The following SIPA1L1 variants were observed in gnomAD, a reference collection of about 807,000 sequenced individuals.
SIPA1L1 encodes the protein signal-induced proliferation-associated 1-like protein 1.
In SIPA1L1, 26 loss-of-function variants were observed where a neutral mutation model predicts 162.7. That is an observed-to-expected ratio of 0.16 (90% CI 0.12 to 0.22). The LOEUF is 0.22. Among genes scored for constraint, SIPA1L1 ranks in the 10% least tolerant of loss-of-function variants. SIPA1L1 has a pLI of 1.00. For missense variants in SIPA1L1, 1,874 were observed against 2,241.0 expected (o/e 0.84, Z 3.31); for synonymous variants, 829 against 837.4 (o/e 0.99, Z 0.17).
At chr14:71,491,770 A>G (rs1005631948) in intron 2 of SIPA1L1, among the ~76,000 whole-genome samples, 1 of 130,098 alleles carries the variant, frequency 7.7e-6, no homozygotes, top group Non-Finnish European at 1.6e-5. Context: ...AAACACACAC[A>G]CACACACACA....
chr14:71,364,420 C>A (rs1426423459), intron 2 of SIPA1L1, among the ~76,000 whole-genome samples: 1 of 152,160 alleles, frequency 6.6e-6, no homozygotes, highest in Admixed American at 6.5e-5. Context: ...CTGGCCGTTT[C>A]ATGACTGTCG....
At chr14:71,443,134 T>C (rs533302058) in intron 2 of SIPA1L1, among the ~76,000 whole-genome samples, 66 of 152,318 alleles carry the variant, frequency 4.3e-4, no homozygotes, top group Non-Finnish European at 8.1e-4. Context: ...GTGCTTACAG[T>C]GCCTGTGTTC....
intron 13 of SIPA1L1, among the ~76,000 whole-genome samples, chr14:71,688,294 G>A (rs757078624): frequency 2.0e-5 from 3 of 152,106 alleles, no homozygotes; most frequent in African/African-American, 7.2e-5. Context: ...TCAGATATTC[G>A]GATTAGGGAT....
rs537183095 is a variant in SIPA1L1, at chr14:71,397,568, A to C, written c.-465+76387A>C. Among the ~76,000 whole-genome samples, 88 of 152,246 alleles carry C rather than the reference A, an allele frequency of 5.8e-4. 1 individual carries two copies. Among genetic ancestry groups the C allele is most frequent in the African/African-American group, 1.9e-3 (78 of 41,542 alleles). ...AGGCACATATGGTTTTGATTGTGAC[A>C]ATTTCTAATAAACCTTTTGGTAGCT... On this transcript the variant is annotated intron_variant, in intron 2 of 23. Coordinates refer to ENST00000381232, the MANE Select transcript of SIPA1L1 (RefSeq NM_001386936.1).
At chr14:71,331,087 T>G (rs904260851) in intron 2 of SIPA1L1, among the ~76,000 whole-genome samples, 2 of 152,234 alleles carry the variant, frequency 1.3e-5, no homozygotes, top group African/African-American at 2.4e-5. Flanking sequence ...ATGTATAGTA[T>G]AAGGGTCCAA....
At chr14:71,388,920 C>T (rs2040544230) in intron 2 of SIPA1L1, among the ~76,000 whole-genome samples, 1 of 152,124 alleles carries the variant, frequency 6.6e-6, no homozygotes, top group African/African-American at 2.4e-5. Flanking sequence ...TTTTTACCAC[C>T]TTACCTATAT....
chr14:71,671,077 T>G, intron 10 of SIPA1L1, 42 bp from the exon 11 acceptor site: 1 of 1,456,554 alleles, frequency 6.9e-7, no homozygotes, highest in South Asian at 1.3e-5. Context: ...GTTGTGAGAC[T>G]GAGAAATACT....
chr14:71,677,103 G>T (rs998296883), intron 12 of SIPA1L1, among the ~76,000 whole-genome samples: 5 of 152,186 alleles, frequency 3.3e-5, no homozygotes, highest in African/African-American at 9.7e-5. Flanking sequence ...GTGTAAAAGT[G>T]TTCCTATTTC....
chr14:71,363,974 C>T (rs1006044565), intron 2 of SIPA1L1, among the ~76,000 whole-genome samples: 1 of 152,332 alleles, frequency 6.6e-6, no homozygotes, highest in Admixed American at 6.5e-5. Flanking sequence ...TCCTTATCTA[C>T]AGCAGTGGTT....
chr14:71,738,021 T>A (rs1177728934), intron 22 of SIPA1L1, among the ~76,000 whole-genome samples: 1 of 152,186 alleles, frequency 6.6e-6, no homozygotes, highest in Non-Finnish European at 1.5e-5. Flanking sequence ...CAAAGGAAGC[T>A]ATTGATTGGC....
At chr14:71,327,757 T>C (rs2034011014) in intron 2 of SIPA1L1, among the ~76,000 whole-genome samples, 1 of 152,222 alleles carries the variant, frequency 6.6e-6, no homozygotes, top group Non-Finnish European at 1.5e-5. Context: ...ATTTAACTCC[T>C]CCCTTTTCCC....
At chr14:71,525,462 C>T (rs1456805107) in intron 3 of SIPA1L1, among the ~76,000 whole-genome samples, 2 of 152,190 alleles carry the variant, frequency 1.3e-5, no homozygotes, top group Non-Finnish European at 2.9e-5. Flanking sequence ...GGATTACAGG[C>T]GTGAGCCACT....
chr14:71,534,277 G>C (rs1465638923), intron 4 of SIPA1L1, among the ~76,000 whole-genome samples: 7 of 152,006 alleles, frequency 4.6e-5, no homozygotes, highest in Admixed American at 4.6e-4. Context: ...ATAAATAATT[G>C]GGTCATTAGC....
At chr14:71,389,409 G>C (rs917482956) in intron 2 of SIPA1L1, among the ~76,000 whole-genome samples, 4 of 152,136 alleles carry the variant, frequency 2.6e-5, no homozygotes, top group Non-Finnish European at 4.4e-5. Context: ...ACTAGTTAAG[G>C]AAGATACATG....
Position 71,733,649 on chromosome 14 carries a change from C to T in SIPA1L1, c.4862-17C>T, listed in dbSNP as rs369947905. The T allele has an allele frequency of 2.5e-6, 4 of 1,611,534 alleles. No homozygotes were observed. The highest frequency in any genetic ancestry group is 3.4e-6 in the Non-Finnish European group (4 of 1,179,192). On this transcript the variant is annotated splice_polypyrimidine_tract_variant and intron_variant, in intron 20 of 23. Coordinates refer to ENST00000381232, the MANE Select transcript of SIPA1L1 (RefSeq NM_001386936.1). ...CACAGGCACAAGAAGCATCTCATTCCTCCTCCCTTCCCGCAGGAGAGTTCT... is the reference window on the plus strand; with the variant it reads ...CACAGGCACAAGAAGCATCTCATTCTTCCTCCCTTCCCGCAGGAGAGTTCT...
intron 4 of SIPA1L1, among the ~76,000 whole-genome samples, chr14:71,578,035 C>T (rs2147209259): frequency 6.6e-6 from 1 of 152,182 alleles, no homozygotes; most frequent in Admixed American, 6.5e-5. Context: ...CTCAGCCTCC[C>T]AAGTACCTCG....
chr14:71,734,373 A>G (rs916437843), intron 21 of SIPA1L1, among the ~76,000 whole-genome samples: 83 of 152,376 alleles, frequency 5.4e-4, no homozygotes, highest in African/African-American at 2.0e-3. Flanking sequence ...ATGAAAACAC[A>G]AAAAGTAGTG....
Position 71,541,819 on chromosome 14 carries a change from A to G in SIPA1L1, c.-303+12449A>G, listed in dbSNP as rs552532092. Among the ~76,000 whole-genome samples the G allele has an allele frequency of 2.6e-5, 4 of 152,314 alleles. No individual in the cohort carries two copies. The East Asian group carries it at 5.8e-4, about 22-fold the overall frequency. ...TAAGGTATGTTGACACAATGCATAC[A>G]TCATTCAAAACAGAGATTCTAGTGC... On this transcript the variant is annotated intron_variant, in intron 4 of 23. Coordinates refer to ENST00000381232, the MANE Select transcript of SIPA1L1 (RefSeq NM_001386936.1).
chr14:71,500,134 A>G (rs1338459851), intron 2 of SIPA1L1, among the ~76,000 whole-genome samples: 1 of 152,236 alleles, frequency 6.6e-6, no homozygotes, highest in East Asian at 1.9e-4. Flanking sequence ...GAAGACATTG[A>G]TAAGTTGAAC....
Sources: gnomAD v4.1 joint callset for allele counts (sites outside exome capture counted in the v4.1 genomes callset) on GRCh38, gnomAD v4.1.1 for gene constraint, MANE v1.5 for transcripts, NCBI Gene and HGNC (gene_info 2026-07-23, HGNC 2026-07-21) for gene names.